Variants in PAPPA2 observed in about 807,000 individuals in gnomAD.
The protein encoded by PAPPA2 is pappalysin 2, also known as pappalysin-2.
Under a neutral mutation model 176.4 loss-of-function variants are expected in PAPPA2, and 86 were observed. The observed-to-expected ratio is 0.49, with a 90% CI of 0.41 to 0.58. PAPPA2 has a LOEUF of 0.58. Among genes scored for constraint, PAPPA2 ranks in the 20% least tolerant of loss-of-function variants. The pLI, the probability that PAPPA2 is intolerant of heterozygous loss-of-function variation, is 0.00. For synonymous variants in PAPPA2, 809 were observed against 852.2 expected (o/e 0.95, Z 0.88); for missense variants, 2,073 against 2,256.9 (o/e 0.92, Z 1.65).
At chr1:176,582,128 C>T (rs1361273773) in intron 2 of PAPPA2, among the ~76,000 whole-genome samples, 1 of 151,744 alleles carries the variant, frequency 6.6e-6, no homozygotes, top group Non-Finnish European at 1.5e-5. Context: ...GGGGTTTTAC[C>T]GTGTTAGCCA....
chr1:176,841,308 A>G (rs1038063782), intron 22 of PAPPA2, among the ~76,000 whole-genome samples: 2 of 152,078 alleles, frequency 1.3e-5, no homozygotes, highest in Admixed American at 6.6e-5. Context: ...TCTGTAATAA[A>G]TTTCAGTGCC....
chr1:176,551,276 A>C (rs1176202352), intron 1 of PAPPA2, among the ~76,000 whole-genome samples: 2 of 152,188 alleles, frequency 1.3e-5, no homozygotes, highest in Admixed American at 6.5e-5. Flanking sequence ...TCCAATAAAC[A>C]TATTGCTGAA....
At chr1:176,788,062 G>GA (rs1200828026) in intron 17 of PAPPA2, among the ~76,000 whole-genome samples, 249 of 146,914 alleles carry the variant, frequency 1.7e-3, no homozygotes, top group African/African-American at 6.0e-3. Context: ...TTCCATCTCA[G>GA]AAAAAAAAAG....
At chr1:176,797,760 C>T (rs1283114976) in intron 20 of PAPPA2, among the ~76,000 whole-genome samples, 1 of 152,162 alleles carries the variant, frequency 6.6e-6, no homozygotes, top group African/African-American at 2.4e-5. Context: ...TTTCACAGCC[C>T]TCTTGCTCCT....
chr1:176,616,720 T>C, intron 3 of PAPPA2: 1 of 1,423,618 alleles, frequency 7.0e-7, no homozygotes, highest in Non-Finnish European at 9.8e-7. Context: ...TTGGTTGGAT[T>C]GTGTGTAATA....
intron 2 of PAPPA2, among the ~76,000 whole-genome samples, chr1:176,592,289 C>A (rs1487872111): frequency 6.6e-6 from 1 of 152,118 alleles, no homozygotes; most frequent in African/African-American, 2.4e-5. Context: ...AATTAGAGAG[C>A]AAATAATCAT....
chr1:176,495,366 C>T (rs1647547075), intron 1 of PAPPA2, among the ~76,000 whole-genome samples: 1 of 151,932 alleles, frequency 6.6e-6, no homozygotes, highest in Non-Finnish European at 1.5e-5. Flanking sequence ...CACTGAGAAA[C>T]CCCATCTCTG....
At position 176,626,993 on chromosome 1, in the gene PAPPA2, G is replaced by C. The variant is rs1442157600; in HGVS notation, c.1991+31398G>C. On this transcript the variant is annotated intron_variant, in intron 3 of 22. Coordinates refer to ENST00000367662, the MANE Select transcript of PAPPA2 (RefSeq NM_020318.3). ...CCACCTCGGCCTCTTAAAGTACTTG[G>C]GTTACAGGCCAAGTCGACATGCCCG... Among the ~76,000 whole-genome samples the C allele has an allele frequency of 4.0e-5, 6 of 151,210 alleles. No individual in the cohort carries two copies. In the South Asian group the frequency reaches 1.3e-3, roughly 32 times the overall value.
At chr1:176,492,060 A>G (rs1050151510) in intron 1 of PAPPA2, among the ~76,000 whole-genome samples, 2 of 152,330 alleles carry the variant, frequency 1.3e-5, no homozygotes, top group Admixed American at 1.3e-4. Flanking sequence ...CAAAATGCCA[A>G]TGGGTCAAAT....
At chr1:176,484,970 A>G (rs543440644) in intron 1 of PAPPA2, among the ~76,000 whole-genome samples, 25 of 152,246 alleles carry the variant, frequency 1.6e-4, no homozygotes, top group Middle Eastern at 6.8e-3. Context: ...ATATTCACCT[A>G]TCAGTCTCTC....
At chr1:176,711,415 T>C (rs1467025173) in intron 11 of PAPPA2, among the ~76,000 whole-genome samples, 1 of 152,156 alleles carries the variant, frequency 6.6e-6, no homozygotes, top group Non-Finnish European at 1.5e-5. Flanking sequence ...TGGAGTTTCA[T>C]TTCTCTGGCT....
intron 12 of PAPPA2, among the ~76,000 whole-genome samples, chr1:176,720,819 T>C (rs1308187027): frequency 6.6e-6 from 1 of 152,138 alleles, no homozygotes; most frequent in Non-Finnish European, 1.5e-5. Flanking sequence ...ATGGCATAAT[T>C]CTGTCTGAGG....
Position 176,605,444 on chromosome 1 carries a change from G to T in PAPPA2, c.1991+9849G>T, listed in dbSNP as rs12563035. 2.6e-5 allele frequency among the ~76,000 whole-genome samples: 4 copies of T among 152,282 alleles called. No homozygotes were observed. In the East Asian group the frequency reaches 7.7e-4, roughly 29 times the overall value. On this transcript the variant is annotated intron_variant, in intron 3 of 22. Coordinates refer to ENST00000367662, the MANE Select transcript of PAPPA2 (RefSeq NM_020318.3). ...TCAGGAACTCCATCTCTCTCAAAGG[G>T]TACATATTTCTCTAAATCTTAGTTC...
At chr1:176,773,208 C>T (rs1312292053) in intron 17 of PAPPA2, among the ~76,000 whole-genome samples, 3 of 152,176 alleles carry the variant, frequency 2.0e-5, no homozygotes, top group Non-Finnish European at 2.9e-5. Context: ...TTATTTACCA[C>T]GTTATGTAAG....
intron 21 of PAPPA2, among the ~76,000 whole-genome samples, chr1:176,804,079 A>G (rs1665794160): frequency 6.6e-6 from 1 of 152,192 alleles, no homozygotes; most frequent in Admixed American, 6.5e-5. Context: ...CTTATTTCAT[A>G]AGGTTACAGT....
intron 3 of PAPPA2, among the ~76,000 whole-genome samples, chr1:176,634,885 CATAGATAG>C (rs10556122): frequency 2.9e-4 from 43 of 149,148 alleles, no homozygotes; most frequent in South Asian, 8.6e-4. Flanking sequence ...TACATAGACA[CATAGATAG>C]ATAGACACAT....
chr1:176,750,181 C>T (rs1441942403), intron 14 of PAPPA2, among the ~76,000 whole-genome samples: 1 of 151,920 alleles, frequency 6.6e-6, no homozygotes, highest in African/African-American at 2.4e-5. Context: ...TTAAATAAAA[C>T]TAAGCCTGTA....
At chr1:176,687,209 T>C (rs980902995) in intron 4 of PAPPA2, among the ~76,000 whole-genome samples, 1 of 152,220 alleles carries the variant, frequency 6.6e-6, no homozygotes, top group Non-Finnish European at 1.5e-5. Flanking sequence ...CAAATGTGTG[T>C]TAAAATTATG....
rs1665095845 is a variant in PAPPA2 at position 176,789,817 on chromosome 1, TGAAGATACAATGCCTG to T, written c.4729_4744del (p.Ile1577ValfsTer79). 2 of 1,613,492 alleles carry T rather than the reference TGAAGATACAATGCCTG, an allele frequency of 1.2e-6. No homozygotes were observed. The highest frequency in any genetic ancestry group is 1.3e-5 in the African/African-American group (1 of 74,868). On this transcript the variant is annotated frameshift_variant, in exon 18 of 23. Transcript: ENST00000367662. LOFTEE classifies it high-confidence loss of function. ...GTTTTATGTTTTATCAGCAAGCTCCTGAAGATACAATGCCTGGAAGGTGGAATCTGGGAGCAAGGCA... is the reference window on the plus strand; with the variant it reads ...GTTTTATGTTTTATCAGCAAGCTCCTGAAGGTGGAATCTGGGAGCAAGGCA...
Sources: gnomAD v4.1 joint callset for allele counts (sites outside exome capture counted in the v4.1 genomes callset) on GRCh38, gnomAD v4.1.1 for gene constraint, MANE v1.5 for transcripts, NCBI Gene and HGNC (gene_info 2026-07-23, HGNC 2026-07-21) for gene names.